SCML4: variants seen among roughly 807,000 people sequenced by gnomAD.
The protein encoded by SCML4 is Scm polycomb group protein like 4, also known as sex comb on midleg-like protein 4.
Under a neutral mutation model 41.1 loss-of-function variants are expected in SCML4, and 34 were observed. The ratio of observed to expected loss-of-function variants is 0.83; its 90% CI spans 0.63 to 1.10. SCML4 has a LOEUF of 1.10. Ranked by LOEUF, SCML4 falls within the 50% of genes least tolerant of loss-of-function variation. SCML4 has a pLI of 0.00. For synonymous variants in SCML4, 214 were observed against 220.9 expected (o/e 0.97, Z 0.28); for missense variants, 522 against 534.1 (o/e 0.98, Z 0.22).
At chr6:107,718,218 T>C (rs1037746029) in intron 6 of SCML4, among the ~76,000 whole-genome samples, 23 of 152,220 alleles carry the variant, frequency 1.5e-4, no homozygotes, top group African/African-American at 3.6e-4. Flanking sequence ...TTGGAGATAA[T>C]TGAATCATGG....
the SCML4 span, among the ~76,000 whole-genome samples, chr6:107,830,060 G>T: frequency 1.3e-5 from 2 of 152,158 alleles, no homozygotes; most frequent in African/African-American, 4.8e-5. Context: ...GGTGCTTAGT[G>T]CAGCCAATAC....
chr6:107,715,062 C>A (rs1413946703), intron 6 of SCML4, among the ~76,000 whole-genome samples: 3 of 151,158 alleles, frequency 2.0e-5, no homozygotes, highest in Admixed American at 6.6e-5. Context: ...GCAACCTCCA[C>A]CTCCCAGGTT....
intron 1 of SCML4, among the ~76,000 whole-genome samples, chr6:107,781,980 C>T (rs1781536026): frequency 6.6e-6 from 1 of 152,176 alleles, no homozygotes; most frequent in African/African-American, 2.4e-5. Context: ...TTGGCTAAAC[C>T]TGTAAAAGCT....
rs771871530 is a variant in SCML4 at position 107,746,935 on chromosome 6, A to G, written c.287-46T>C. 36 of 1,533,838 alleles carry G rather than the reference A, an allele frequency of 2.3e-5. No individual in the cohort carries two copies. In the South Asian group the frequency reaches 2.6e-4, roughly 11 times the overall value. On this transcript the variant is annotated intron_variant, in intron 3 of 7. Transcript: ENST00000369020. ...AAGCCCTCGGCATCAGGCGCGCATC[A>G]GGCCAGCTGGCGGCCTCTGTGTACA...
At chr6:107,738,599 C>T (rs1169046040) in intron 5 of SCML4, among the ~76,000 whole-genome samples, 1 of 151,628 alleles carries the variant, frequency 6.6e-6, no homozygotes, top group East Asian at 1.9e-4. Flanking sequence ...CCAGCCTGGG[C>T]AACAGAGAGA....
intron 1 of SCML4, among the ~76,000 whole-genome samples, chr6:107,793,993 G>T (rs1401037642): frequency 6.6e-6 from 1 of 152,020 alleles, no homozygotes; most frequent in Non-Finnish European, 1.5e-5. Context: ...GAAGAAGAAG[G>T]CCAGTATAGA....
intron 1 of SCML4, among the ~76,000 whole-genome samples, chr6:107,790,369 A>G (rs923708248): frequency 1.4e-4 from 21 of 152,204 alleles, no homozygotes; most frequent in African/African-American, 4.8e-4. Flanking sequence ...GAGCAATACA[A>G]TGATACAATT....
At chr6:107,733,762 G>A (rs1440576906) in intron 5 of SCML4, among the ~76,000 whole-genome samples, 4 of 152,206 alleles carry the variant, frequency 2.6e-5, no homozygotes, top group African/African-American at 9.7e-5. Flanking sequence ...ACTGTTCTGA[G>A]GTATAATCAG....
At chr6:107,817,611 A>G in intron 1 of SCML4, among the ~76,000 whole-genome samples, 1 of 97,520 alleles carries the variant, frequency 1.0e-5, no homozygotes, top group African/African-American at 3.8e-5. Flanking sequence ...ACAGAGGAAG[A>G]CTTCATCTCA....
chr6:107,792,603 A>G (rs185205803), intron 1 of SCML4, among the ~76,000 whole-genome samples: 136 of 152,096 alleles, frequency 8.9e-4, no homozygotes, highest in Non-Finnish European at 1.5e-3. Context: ...ATGCTGGTGC[A>G]TGCCTGTAGT....
intron 5 of SCML4, among the ~76,000 whole-genome samples, chr6:107,741,340 T>C (rs1777581488): frequency 6.6e-6 from 1 of 152,134 alleles, no homozygotes; most frequent in Non-Finnish European, 1.5e-5. Context: ...GAAAAATGTC[T>C]CCCAATTCAC....
In SCML4 at chr6:107,705,234, T is replaced by C; in HGVS notation, c.1211A>G (p.Tyr404Cys). 1 of 1,551,730 alleles carries C rather than the reference T, an allele frequency of 6.4e-7. No individual in the cohort carries two copies. Among genetic ancestry groups the C allele is most frequent in the Non-Finnish European group, 8.7e-7 (1 of 1,146,950 alleles). ...GGCTTGCTTCAGTTTGTCAATGTGGTAGCAGAGTTTCAGTGCAGGTCCCAG... is the reference window on the plus strand; with the variant it reads ...GGCTTGCTTCAGTTTGTCAATGTGGCAGCAGAGTTTCAGTGCAGGTCCCAG... ...LKLGPALKLC[Y>C]HIDKLKQAKF is the part of the protein sequence containing the mutation. The change falls in exon 8 of 8, where the codon TAC becomes TGC. Residue 404 changes from tyrosine to cysteine, a missense_variant. Tyr to Cys is a radical substitution (Grantham distance 194, BLOSUM62 -2). Transcript: ENST00000369020.
chr6:107,719,509 G>T (rs915237980), intron 6 of SCML4: 3 of 152,248 alleles, frequency 2.0e-5, no homozygotes, highest in African/African-American at 7.2e-5. Flanking sequence ...GCTACAGGGT[G>T]GCAAGATGAA....
intron 4 of SCML4, chr6:107,745,677 A>G (rs1778008826): frequency 6.6e-6 from 1 of 152,570 alleles, no homozygotes; most frequent in African/African-American, 2.4e-5. Flanking sequence ...GGTAAGTGCT[A>G]TGAAGAAGGA....
intron 6 of SCML4, among the ~76,000 whole-genome samples, chr6:107,714,801 T>C (rs1292605497): frequency 6.6e-6 from 1 of 151,974 alleles, no homozygotes; most frequent in Non-Finnish European, 1.5e-5. Flanking sequence ...CTTATTATGA[T>C]GATGTCATTC....
chr6:107,705,725 C>G (rs1283447774), intron 7 of SCML4, among the ~76,000 whole-genome samples: 1 of 152,172 alleles, frequency 6.6e-6, no homozygotes, highest in Non-Finnish European at 1.5e-5. Context: ...CCACCTATTG[C>G]CCTAATTTCT....
chr6:107,744,845 G>T, intron 5 of SCML4, 104 bp downstream of exon 5: 1 of 977,216 alleles, frequency 1.0e-6, no homozygotes, highest in Non-Finnish European at 1.5e-6. Context: ...GGCTCCAGTG[G>T]CAGAACTGCC....
chr6:107,830,364 C>G, the SCML4 span, among the ~76,000 whole-genome samples: 4 of 151,946 alleles, frequency 2.6e-5, no homozygotes, highest in African/African-American at 7.3e-5. Context: ...ACATTTTTCT[C>G]AAGGTCTGGC....
At chr6:107,775,346 A>G (rs1239354678) in intron 1 of SCML4, among the ~76,000 whole-genome samples, 1 of 152,212 alleles carries the variant, frequency 6.6e-6, no homozygotes, top group Non-Finnish European at 1.5e-5. Flanking sequence ...GAGTTCCTCA[A>G]CTGAGACACA....
Sources: allele counts gnomAD v4.1 joint callset (sites outside exome capture counted in the v4.1 genomes callset), GRCh38; gene constraint gnomAD v4.1.1; transcripts MANE v1.5; gene names NCBI Gene and HGNC (gene_info 2026-07-23, HGNC 2026-07-21).